The following FYN variants were observed in gnomAD, a reference collection of about 807,000 sequenced individuals.
The protein encoded by FYN is FYN proto-oncogene, Src family tyrosine kinase.
Under a neutral mutation model 70.2 loss-of-function variants are expected in FYN, and 10 were observed. That is an observed-to-expected ratio of 0.14 (90% confidence interval 0.09 to 0.24). The LOEUF (loss-of-function observed/expected upper bound fraction) is 0.24, where lower values mean the gene tolerates loss of function less well. FYN is among the 10% of genes least tolerant of loss of function. The pLI is 1.00. For missense variants in FYN, 319 were observed against 673.1 expected, an observed-to-expected ratio of 0.47 and a Z score of 5.82; for synonymous variants, 236 against 248.6, an observed-to-expected ratio of 0.95 and a Z score of 0.48.
At chr6:111,826,336 G>A (rs779967633) in intron 2 of FYN, among the ~76,000 whole-genome samples, 3 of 152,078 alleles carry the variant, frequency 2.0e-5, no homozygotes, top group East Asian at 1.9e-4. Flanking sequence ...TAAGAAGTAC[G>A]CGTGTGTGCA....
intron 3 of FYN, among the ~76,000 whole-genome samples, chr6:111,759,287 C>A (rs747354118): frequency 2.0e-5 from 3 of 152,170 alleles, no homozygotes; most frequent in Non-Finnish European, 2.9e-5. Flanking sequence ...GAACATAGAT[C>A]TTTTAAGGTG....
intron 3 of FYN, among the ~76,000 whole-genome samples, chr6:111,740,676 TCACACCTCCTCCCCAGCAACACTG>T (rs1801921072): frequency 6.6e-6 from 1 of 152,184 alleles, no homozygotes; most frequent in South Asian, 2.1e-4. Flanking sequence ...GGTTCCCTCT[TCACACCTCCTCCCCAGCAACACTG>T]CACACCTTTC....
At chr6:111,871,633 T>A (rs1268566342) in intron 1 of FYN, among the ~76,000 whole-genome samples, 1 of 152,232 alleles carries the variant, frequency 6.6e-6, no homozygotes, top group Non-Finnish European at 1.5e-5. Flanking sequence ...CCATTCAGGC[T>A]GCCTCCCTCT....
intron 2 of FYN, among the ~76,000 whole-genome samples, chr6:111,803,794 C>G (rs951223118): frequency 6.6e-6 from 1 of 152,152 alleles, no homozygotes; most frequent in Non-Finnish European, 1.5e-5. Context: ...TTCTTGCAGC[C>G]AACAGCGCAA....
At chr6:111,831,693 T>C (rs1247878093) in intron 2 of FYN, among the ~76,000 whole-genome samples, 1 of 152,224 alleles carries the variant, frequency 6.6e-6, no homozygotes, top group Admixed American at 6.5e-5. Flanking sequence ...ACTGTTCACC[T>C]AAAGCTACGC....
intron 2 of FYN, among the ~76,000 whole-genome samples, chr6:111,788,618 T>A (rs1457878403): frequency 6.6e-6 from 1 of 152,204 alleles, no homozygotes; most frequent in Non-Finnish European, 1.5e-5. Context: ...GGGAAGCTTG[T>A]GCACAAAAAT....
chr6:111,679,267 C>T (rs1320242601), intron 12 of FYN, among the ~76,000 whole-genome samples: 1 of 152,232 alleles, frequency 6.6e-6, no homozygotes, highest in Non-Finnish European at 1.5e-5. Flanking sequence ...TGCCTGATCA[C>T]TAAAGACTGC....
intron 12 of FYN, among the ~76,000 whole-genome samples, chr6:111,688,788 A>G (rs1562471621): frequency 6.6e-6 from 1 of 152,194 alleles, no homozygotes; most frequent in Non-Finnish European, 1.5e-5. Flanking sequence ...TTCTCAACAG[A>G]GAATGCAAAT....
At chr6:111,811,586 T>C (rs1772325870) in intron 2 of FYN, among the ~76,000 whole-genome samples, 1 of 152,178 alleles carries the variant, frequency 6.6e-6, no homozygotes, top group Non-Finnish European at 1.5e-5. Flanking sequence ...TCTCTGGGAA[T>C]CTGTTCCAAC....
intron 2 of FYN, among the ~76,000 whole-genome samples, chr6:111,832,172 A>G (rs1773036433): frequency 6.6e-6 from 1 of 152,204 alleles, no homozygotes; most frequent in Admixed American, 6.5e-5. Flanking sequence ...ATACAAAACC[A>G]AAGTATAGTC....
chr6:111,804,650 G>A (rs973217654), intron 2 of FYN, among the ~76,000 whole-genome samples: 1 of 152,098 alleles, frequency 6.6e-6, no homozygotes, highest in Non-Finnish European at 1.5e-5. Flanking sequence ...CACATAATCA[G>A]CCTCTTGGTA....
chr6:111,727,622 A>G (rs1801249951), intron 3 of FYN, among the ~76,000 whole-genome samples: 1 of 152,204 alleles, frequency 6.6e-6, no homozygotes, highest in South Asian at 2.1e-4. Context: ...GGGAGAACAG[A>G]GCCTACTTAA....
chr6:111,731,422 A>G (rs867873467), intron 3 of FYN, among the ~76,000 whole-genome samples: 2 of 152,164 alleles, frequency 1.3e-5, no homozygotes, highest in Non-Finnish European at 1.5e-5. Context: ...TCACAGCCCA[A>G]TCTAAATCTA....
At chr6:111,766,325 T>C (rs1803226326) in intron 3 of FYN, among the ~76,000 whole-genome samples, 1 of 152,090 alleles carries the variant, frequency 6.6e-6, no homozygotes, top group Non-Finnish European at 1.5e-5. Context: ...CAAGCTCACC[T>C]CCCACACCAT....
intron 3 of FYN, chr6:111,740,963 G>C (rs568011239): frequency 3.5e-4 from 53 of 152,216 alleles, no homozygotes; most frequent in African/African-American, 1.3e-3. Context: ...AAAATTAGCT[G>C]GGTGTGGTGG....
intron 9 of FYN, chr6:111,699,393 G>A: frequency 2.9e-6 from 3 of 1,030,516 alleles, no homozygotes; most frequent in Non-Finnish European, 4.3e-6. Context: ...GATGGCCTGT[G>A]CCCGTCTAGT....
chr6:111,707,330 C>T (rs1800138066), intron 6 of FYN, among the ~76,000 whole-genome samples: 1 of 152,224 alleles, frequency 6.6e-6, no homozygotes, highest in Admixed American at 6.5e-5. Flanking sequence ...TCCTAAACTG[C>T]TACCAGTTGA....
intron 9 of FYN, among the ~76,000 whole-genome samples, chr6:111,697,147 A>T (rs1799609674): frequency 6.6e-6 from 1 of 152,122 alleles, no homozygotes; most frequent in Non-Finnish European, 1.5e-5. Context: ...GCTGAGAGGG[A>T]ACAGAAATAT....
chr6:111,661,581 C>T lies in FYN; in HGVS notation c.*158G>A. ...GAGGTTCGGATTTGGGGACAAGTGT[C>T]ATTAATGAGGGCCATGGAAGTTCGT... On this transcript the variant is annotated 3_prime_UTR_variant, in exon 14 of 14. Transcript: ENST00000354650. The surrounding 1 kb of genome is among the most constrained non-coding windows in gnomAD (Gnocchi z 4.0). 1.5e-6 allele frequency: 1 copy of T among 658,620 alleles called. No homozygotes were observed. Among genetic ancestry groups the T allele is most frequent in the African/African-American group, 1.8e-5 (1 of 55,522 alleles). The allele number at this position is 658,620 out of a possible 1,614,324, so 40.8% of individuals were successfully genotyped here.
Sources: allele counts gnomAD v4.1 joint callset (sites outside exome capture counted in the v4.1 genomes callset), GRCh38; gene constraint gnomAD v4.1.1; non-coding constraint Gnocchi (gnomAD v3.1); transcripts MANE v1.5; gene names NCBI Gene and HGNC (gene_info 2026-07-23, HGNC 2026-07-21).